The following ENTREP2 variants were observed in gnomAD, a reference collection of about 807,000 sequenced individuals.
ENTREP2 encodes the protein protein ENTREP2.
chr15:29,584,296 T>C, the ENTREP2 span, among the ~76,000 whole-genome samples: 68 of 152,270 alleles, frequency 4.5e-4, 1 homozygote, highest in East Asian at 0.012. Context: ...AGGAAAGAAA[T>C]GGCCGCTGAA....
At chr15:29,274,773 G>A in the ENTREP2 span, among the ~76,000 whole-genome samples, 1 of 152,174 alleles carries the variant, frequency 6.6e-6, no homozygotes, top group Non-Finnish European at 1.5e-5. Flanking sequence ...TAGATTAACA[G>A]GAGAAAAGCA....
At chr15:29,505,652 T>C in the ENTREP2 span, among the ~76,000 whole-genome samples, 1 of 152,066 alleles carries the variant, frequency 6.6e-6, no homozygotes, top group Non-Finnish European at 1.5e-5. The surrounding 1 kb of genome is among the most constrained non-coding windows in gnomAD (Gnocchi z 4.3). Flanking sequence ...CCAGAAGACC[T>C]GAAGATGAGG....
chr15:29,151,724 G>T, the ENTREP2 span: 1 of 1,545,010 alleles, frequency 6.5e-7, no homozygotes. Context: ...GAGGGGATCA[G>T]GCCACTCACC....
At chr15:29,403,602 T>C in the ENTREP2 span, among the ~76,000 whole-genome samples, 2 of 152,184 alleles carry the variant, frequency 1.3e-5, no homozygotes, top group Admixed American at 6.5e-5. Context: ...GGTAGACAAA[T>C]TGCTCTTTCT....
the ENTREP2 span, among the ~76,000 whole-genome samples, chr15:29,146,658 C>A: frequency 2.0e-5 from 3 of 152,286 alleles, no homozygotes; most frequent in East Asian, 5.8e-4. Context: ...TATGTGCAGG[C>A]CGGGTGTGGT....
the ENTREP2 span, among the ~76,000 whole-genome samples, chr15:29,408,136 T>A: frequency 6.6e-6 from 1 of 152,196 alleles, no homozygotes; most frequent in African/African-American, 2.4e-5. Context: ...ATCTAATATG[T>A]GCTGATCTCC....
chr15:29,667,073 T>A, the ENTREP2 span, among the ~76,000 whole-genome samples: 1 of 152,242 alleles, frequency 6.6e-6, no homozygotes, highest in Non-Finnish European at 1.5e-5. Flanking sequence ...GGGCCCACTC[T>A]AATTCACCAT....
At chr15:29,209,736 C>T in the ENTREP2 span, among the ~76,000 whole-genome samples, 1 of 152,090 alleles carries the variant, frequency 6.6e-6, no homozygotes, top group Admixed American at 6.5e-5. Context: ...TCTTCCAAGA[C>T]TCAGCCTGAG....
chr15:29,591,113 A>T, the ENTREP2 span, among the ~76,000 whole-genome samples: 26 of 152,278 alleles, frequency 1.7e-4, no homozygotes, highest in African/African-American at 5.8e-4. Flanking sequence ...TGAAATATTT[A>T]AAAAAACACT....
At chr15:29,518,063 C>G in the ENTREP2 span, among the ~76,000 whole-genome samples, 1 of 151,984 alleles carries the variant, frequency 6.6e-6, no homozygotes, top group Non-Finnish European at 1.5e-5. Context: ...ACAGCAAGAC[C>G]CTATCTAATT....
chr15:29,579,181 T>C, the ENTREP2 span, among the ~76,000 whole-genome samples: 1,200 of 152,334 alleles, frequency 7.9e-3, 16 homozygotes, highest in African/African-American at 0.027. Context: ...ATGGGTCACC[T>C]TCAATCAGAA....
At chr15:29,639,826 T>C in the ENTREP2 span, among the ~76,000 whole-genome samples, 205 of 147,902 alleles carry the variant, frequency 1.4e-3, 1 homozygote, top group Non-Finnish European at 2.8e-3. Flanking sequence ...TGGAGTGCAA[T>C]GGCATAATCT....
the ENTREP2 span, among the ~76,000 whole-genome samples, chr15:29,284,556 CA>C: frequency 8.4e-4 from 105 of 125,448 alleles, no homozygotes; most frequent in Middle Eastern, 7.9e-3. Context: ...GACTCCATCT[CA>C]AAAAAAAAAA....
At chr15:29,223,350 G>C in the ENTREP2 span, among the ~76,000 whole-genome samples, 1 of 152,106 alleles carries the variant, frequency 6.6e-6, no homozygotes, top group African/African-American at 2.4e-5. Context: ...CTTGGCTCCC[G>C]GCAGCCTCTG....
At chr15:29,523,561 A>ATTTT in the ENTREP2 span, among the ~76,000 whole-genome samples, 35 of 78,500 alleles carry the variant, frequency 4.5e-4, no homozygotes, top group Non-Finnish European at 5.7e-4. Flanking sequence ...TCCCAGCTAG[A>ATTTT]TTTTTTTTTT....
At chr15:29,639,698 G>A in the ENTREP2 span, among the ~76,000 whole-genome samples, 1 of 150,738 alleles carries the variant, frequency 6.6e-6, no homozygotes, top group East Asian at 2.0e-4. Flanking sequence ...AATTAGAGAG[G>A]AATTTAATGA....
At chr15:29,284,801 C>G in the ENTREP2 span, among the ~76,000 whole-genome samples, 2 of 152,244 alleles carry the variant, frequency 1.3e-5, no homozygotes, top group African/African-American at 4.8e-5. Context: ...CAGATCAGAA[C>G]AAGGGTCCAA....
the ENTREP2 span, among the ~76,000 whole-genome samples, chr15:29,161,900 C>T: frequency 2.0e-5 from 3 of 152,124 alleles, no homozygotes; most frequent in Non-Finnish European, 4.4e-5. Flanking sequence ...ACTGCAAGAA[C>T]AAACCAGCAA....
the ENTREP2 span, among the ~76,000 whole-genome samples, chr15:29,304,991 T>A: frequency 6.6e-6 from 1 of 152,206 alleles, no homozygotes; most frequent in Non-Finnish European, 1.5e-5. Context: ...CTCAGCCAAC[T>A]GTACCACGTT....
Sources: allele counts gnomAD v4.1 joint callset (sites outside exome capture counted in the v4.1 genomes callset), GRCh38; gene constraint gnomAD v4.1.1; non-coding constraint Gnocchi (gnomAD v3.1); transcripts MANE v1.5; gene names NCBI Gene and HGNC (gene_info 2026-07-23, HGNC 2026-07-21).